PPP3CA: variants seen among roughly 807,000 people sequenced by gnomAD.
The protein encoded by PPP3CA is protein phosphatase 3 catalytic subunit alpha.
In PPP3CA, 14 loss-of-function variants were observed where a neutral mutation model predicts 66.5. The observed-to-expected ratio is 0.21, with a 90% CI of 0.14 to 0.33. PPP3CA has a LOEUF of 0.33. Ranked by LOEUF, PPP3CA falls within the 10% of genes least tolerant of loss-of-function variation. The pLI, the probability that PPP3CA is intolerant of heterozygous loss-of-function variation, is 1.00. For missense variants in PPP3CA, 317 were observed against 639.5 expected, an observed-to-expected ratio of 0.50 and a Z score of 5.44; for synonymous variants, 232 against 226.2, an observed-to-expected ratio of 1.03 and a Z score of -0.23.
intron 11 of PPP3CA, among the ~76,000 whole-genome samples, chr4:101,036,475 A>C (rs1335082351): frequency 6.6e-6 from 1 of 151,602 alleles, no homozygotes; most frequent in Admixed American, 6.6e-5. Context: ...GCAGTGGCGC[A>C]ATCTCGGCTC....
chr4:101,333,559 C>T lies in PPP3CA; in HGVS notation c.58+13180G>A, dbSNP rs112803963. ...GCAAAGACTTATTGACACTGAATTT[C>T]CGATGTCTTGTATAGCGCTAGGCAC... On this transcript the variant is annotated intron_variant, in intron 1 of 13. Transcript: ENST00000394854. Among the ~76,000 whole-genome samples, 16 of 152,068 alleles carry T rather than the reference C, an allele frequency of 1.1e-4. 1 individual carries two copies. Among genetic ancestry groups the T allele is most frequent in the African/African-American group, 3.6e-4 (15 of 41,474 alleles).
At chr4:101,247,842 A>T (rs1726538333) in intron 1 of PPP3CA, among the ~76,000 whole-genome samples, 1 of 152,182 alleles carries the variant, frequency 6.6e-6, no homozygotes, top group Non-Finnish European at 1.5e-5. Flanking sequence ...GTGCTACTAT[A>T]TATATGCCAC....
intron 1 of PPP3CA, among the ~76,000 whole-genome samples, chr4:101,216,454 C>T (rs1725456966): frequency 6.6e-6 from 1 of 152,036 alleles, no homozygotes; most frequent in African/African-American, 2.4e-5. Flanking sequence ...TGCTATATTC[C>T]AAAAACATGT....
At chr4:101,234,224 A>C (rs2110226884) in intron 1 of PPP3CA, among the ~76,000 whole-genome samples, 1 of 151,982 alleles carries the variant, frequency 6.6e-6, no homozygotes, top group African/African-American at 2.4e-5. Flanking sequence ...ATATATCTTT[A>C]CAGTAGAATA....
intron 2 of PPP3CA, among the ~76,000 whole-genome samples, chr4:101,176,132 C>G (rs1476295870): frequency 2.0e-5 from 3 of 152,034 alleles, no homozygotes; most frequent in Non-Finnish European, 1.5e-5. Context: ...GAAGTGAGCT[C>G]TGGGTCAAGG....
intron 3 of PPP3CA, among the ~76,000 whole-genome samples, chr4:101,106,393 GA>G (rs1292932719): frequency 1.9e-4 from 1 of 5,236 alleles, no homozygotes; most frequent in Non-Finnish European, 4.1e-4. Flanking sequence ...AAGAAAGAAA[GA>G]AAGAAAGAAA....
intron 1 of PPP3CA, among the ~76,000 whole-genome samples, chr4:101,288,382 A>C (rs1008425801): frequency 3.3e-5 from 5 of 152,184 alleles, no homozygotes; most frequent in African/African-American, 1.2e-4. Flanking sequence ...CCTACCCCCC[A>C]AAAATTGCAA....
intron 5 of PPP3CA, among the ~76,000 whole-genome samples, chr4:101,097,312 C>A (rs1349101888): frequency 6.6e-6 from 1 of 151,812 alleles, no homozygotes; most frequent in African/African-American, 2.4e-5. Context: ...TTATTTTCAC[C>A]CCTCTGTTCT....
At chr4:101,200,532 C>T (rs188972392) in intron 1 of PPP3CA, among the ~76,000 whole-genome samples, 12 of 152,168 alleles carry the variant, frequency 7.9e-5, no homozygotes, top group Non-Finnish European at 5.9e-5. Flanking sequence ...TGGAGTAGTC[C>T]TATAAATGCT....
chr4:101,105,249 C>G (rs1437372650), intron 3 of PPP3CA, among the ~76,000 whole-genome samples: 1 of 151,182 alleles, frequency 6.6e-6, no homozygotes, highest in Admixed American at 6.6e-5. Context: ...TCACTGCAAC[C>G]TCCGCCTCCT....
At chr4:101,342,196 T>C (rs1729839793) in intron 1 of PPP3CA, among the ~76,000 whole-genome samples, 3 of 152,182 alleles carry the variant, frequency 2.0e-5, no homozygotes, top group Admixed American at 6.5e-5. Flanking sequence ...TGTTAATTTT[T>C]TCCTATTTTA....
intron 6 of PPP3CA, among the ~76,000 whole-genome samples, chr4:101,083,905 T>C (rs888580695): frequency 2.2e-4 from 34 of 152,188 alleles, no homozygotes; most frequent in Non-Finnish European, 1.2e-4. Context: ...CCTTTAAATA[T>C]GATCAGCAGA....
chr4:101,178,889 C>G (rs1240785963), intron 2 of PPP3CA, among the ~76,000 whole-genome samples: 1 of 152,052 alleles, frequency 6.6e-6, no homozygotes, highest in African/African-American at 2.4e-5. Context: ...ACACATAAAC[C>G]ACCTCTGACA....
chr4:101,041,928 A>G (rs1727540625), intron 10 of PPP3CA, among the ~76,000 whole-genome samples: 1 of 147,230 alleles, frequency 6.8e-6, no homozygotes. Flanking sequence ...TAATTTGCTC[A>G]GGGACGGTAG....
In PPP3CA at chr4:101,174,330, G is replaced by A. The variant is rs565834644; in HGVS notation, c.259+21586C>T. 1.8e-3 allele frequency among the ~76,000 whole-genome samples: 268 copies of A among 152,170 alleles called. 9 individuals carry two copies. The South Asian group carries it at 0.053, about 30-fold the overall frequency. On this transcript the variant is annotated intron_variant, in intron 2 of 13. Coordinates refer to ENST00000394854, the MANE Select transcript of PPP3CA (RefSeq NM_000944.5). ...AGGAAGTGAAACAACCACACCATTT[G>A]TTAATTTTTTCATTAAGATATCACA...
At position 101,225,699 on chromosome 4, in the gene PPP3CA, C is replaced by CTTTGTGTATTGTGTATTTGTGTGTA. The variant is rs781274027; in HGVS notation, c.59-29584_59-29583insTACACACAAATACACAATACACAAA. 6.7e-4 allele frequency among the ~76,000 whole-genome samples: 102 copies of CTTTGTGTATTGTGTATTTGTGTGTA among 151,786 alleles called. 1 individual carries two copies. The highest frequency in any genetic ancestry group is 1.3e-3 in the Non-Finnish European group (89 of 67,776). On this transcript the variant is annotated intron_variant, in intron 1 of 13. Transcript: ENST00000394854. Reference sequence around the variant, plus strand: ...TTTAAAATAGAAAAAGTAAAGGTGTCTTTGTGTATTGTATACATAAAATAT... The same window carrying CTTTGTGTATTGTGTATTTGTGTGTA: ...TTTAAAATAGAAAAAGTAAAGGTGTCTTTGTGTATTGTGTATTTGTGTGTATTTGTGTATTGTATACATAAAATAT...
At chr4:101,141,404 T>C (rs1722804262) in intron 2 of PPP3CA, among the ~76,000 whole-genome samples, 1 of 152,064 alleles carries the variant, frequency 6.6e-6, no homozygotes, top group South Asian at 2.1e-4. Context: ...CAGTGTCATA[T>C]TTGAATTGTG....
rs543241178 is a variant in PPP3CA, at chr4:101,235,624, G to C, written c.59-39508C>G. ...CTATAACCGTAAAAACTAAAAGGTGGCTAGGCATAAAGTAGATGCTCAGTA... is the reference window on the plus strand; with the variant it reads ...CTATAACCGTAAAAACTAAAAGGTGCCTAGGCATAAAGTAGATGCTCAGTA... On this transcript the variant is annotated intron_variant, in intron 1 of 13. Transcript: ENST00000394854. Among the ~76,000 whole-genome samples the C allele has an allele frequency of 1.3e-4, 20 of 151,844 alleles. 1 individual carries two copies. In the East Asian group the frequency reaches 3.7e-3, roughly 28 times the overall value.
chr4:101,114,822 C>G (rs1382063668), intron 2 of PPP3CA, among the ~76,000 whole-genome samples: 1 of 151,980 alleles, frequency 6.6e-6, no homozygotes. Flanking sequence ...GAAATAGGAA[C>G]AGAAAAATAA....
Sources: gnomAD v4.1 joint callset for allele counts (sites outside exome capture counted in the v4.1 genomes callset) on GRCh38, gnomAD v4.1.1 for gene constraint, MANE v1.5 for transcripts, NCBI Gene and HGNC (gene_info 2026-07-23, HGNC 2026-07-21) for gene names.